The following WDR7 variants were observed in gnomAD, a reference collection of about 807,000 sequenced individuals.
The protein encoded by WDR7 is WD repeat-containing protein 7.
Under a neutral mutation model 169.4 loss-of-function variants are expected in WDR7, and 46 were observed. The ratio of observed to expected loss-of-function variants is 0.27; its 90% CI spans 0.21 to 0.35. The LOEUF is 0.35. WDR7 is among the 10% of genes least tolerant of loss of function. The pLI is 1.00. For missense variants in WDR7, 1,534 were observed against 1,859.3 expected (o/e 0.83, Z 3.22); for synonymous variants, 612 against 666.8 (o/e 0.92, Z 1.27).
chr18:56,760,305 T>G (rs1416368673), intron 16 of WDR7, among the ~76,000 whole-genome samples: 3 of 152,212 alleles, frequency 2.0e-5, no homozygotes, highest in African/African-American at 7.2e-5. Context: ...TACCTTCCTC[T>G]TCTAGAGGTA....
At chr18:56,837,770 C>A (rs1320381618) in intron 20 of WDR7, among the ~76,000 whole-genome samples, 4 of 152,098 alleles carry the variant, frequency 2.6e-5, no homozygotes, top group African/African-American at 9.7e-5. Flanking sequence ...AAGCTATTCT[C>A]CTGCCTCAGC....
At chr18:56,804,112 G>T (rs565870207) in intron 19 of WDR7, among the ~76,000 whole-genome samples, 1 of 152,162 alleles carries the variant, frequency 6.6e-6, no homozygotes, top group African/African-American at 2.4e-5. Flanking sequence ...TGAATTTAAT[G>T]TATGACATAT....
In WDR7 at chr18:56,924,128, A is replaced by T; in HGVS notation, c.3713+20A>T. ...TGCCAAGTATGTGTGGATTCCGGTTAATTTAATTTGTCACTGTTTTTTGTT... is the reference window on the plus strand; with the variant it reads ...TGCCAAGTATGTGTGGATTCCGGTTTATTTAATTTGTCACTGTTTTTTGTT... On this transcript the variant is annotated intron_variant, in intron 22 of 27. Transcript: ENST00000254442. 1 of 1,605,708 alleles carries T rather than the reference A, an allele frequency of 6.2e-7. No homozygotes were observed.
chr18:56,856,487 T>C (rs1342161905), intron 20 of WDR7, among the ~76,000 whole-genome samples: 1 of 152,098 alleles, frequency 6.6e-6, no homozygotes, highest in Non-Finnish European at 1.5e-5. Context: ...TGAGCTGAGA[T>C]TGCGCCACTG....
chr18:56,935,971 A>T, intron 23 of WDR7, 66 bp downstream of exon 23: 1 of 1,400,302 alleles, frequency 7.1e-7, no homozygotes, highest in South Asian at 1.3e-5. Context: ...CTATAAGCTG[A>T]GGGTTCATAT....
At chr18:56,653,015 A>C (rs1286730040) in intron 1 of WDR7, among the ~76,000 whole-genome samples, 1 of 152,158 alleles carries the variant, frequency 6.6e-6, no homozygotes, top group East Asian at 1.9e-4. Flanking sequence ...AGCATCGAAA[A>C]TCTTCAAAGT....
intron 20 of WDR7, among the ~76,000 whole-genome samples, chr18:56,819,444 G>T (rs528100607): frequency 7.9e-5 from 12 of 152,248 alleles, no homozygotes; most frequent in Non-Finnish European, 1.5e-4. Flanking sequence ...AGTAATGCCA[G>T]TGTGCCTTGG....
At chr18:57,010,260 T>C in intron 26 of WDR7, 1 of 985,454 alleles carries the variant, frequency 1.0e-6, no homozygotes, top group Non-Finnish European at 1.2e-6. Flanking sequence ...TGTGTGACTT[T>C]TTAGGCATAT....
At chr18:56,769,232 T>C (rs1257446457) in intron 16 of WDR7, among the ~76,000 whole-genome samples, 1 of 151,846 alleles carries the variant, frequency 6.6e-6, no homozygotes, top group Non-Finnish European at 1.5e-5. Flanking sequence ...TTTTTTTTTT[T>C]CCTTTGAGAC....
At chr18:56,924,968 T>C (rs1179614735) in intron 22 of WDR7, among the ~76,000 whole-genome samples, 1 of 152,140 alleles carries the variant, frequency 6.6e-6, no homozygotes, top group African/African-American at 2.4e-5. Flanking sequence ...CTGGCAACCA[T>C]TAATCTTCTG....
chr18:56,948,296 A>C (rs986198775), intron 25 of WDR7, among the ~76,000 whole-genome samples: 1 of 152,134 alleles, frequency 6.6e-6, no homozygotes, highest in East Asian at 1.9e-4. Flanking sequence ...GCATTCCCAG[A>C]TAGGTCCTTA....
intron 21 of WDR7, among the ~76,000 whole-genome samples, chr18:56,882,797 A>G (rs755608337): frequency 6.6e-6 from 1 of 152,230 alleles, no homozygotes; most frequent in Non-Finnish European, 1.5e-5. Context: ...AAGACCACTG[A>G]TTAAGTCTAA....
intron 20 of WDR7, among the ~76,000 whole-genome samples, chr18:56,837,143 C>A (rs774889740): frequency 6.6e-6 from 1 of 152,162 alleles, no homozygotes; most frequent in Admixed American, 6.5e-5. Flanking sequence ...GAAAAACAAA[C>A]GTGACCATTG....
intron 21 of WDR7, among the ~76,000 whole-genome samples, chr18:56,895,484 A>T (rs76558753): frequency 4.4e-3 from 311 of 71,132 alleles, no homozygotes; most frequent in African/African-American, 9.3e-3. Context: ...GGATTTTTTT[A>T]AAAATTTTTT....
chr18:56,977,787 C>T (rs1270996952), intron 26 of WDR7, among the ~76,000 whole-genome samples: 2 of 152,086 alleles, frequency 1.3e-5, no homozygotes, highest in African/African-American at 4.8e-5. Flanking sequence ...AAGTAAAATG[C>T]TTCTATCTCA....
chr18:56,689,549 C>T (rs534796150), intron 7 of WDR7, among the ~76,000 whole-genome samples: 73 of 152,294 alleles, frequency 4.8e-4, no homozygotes, highest in African/African-American at 1.4e-3. Context: ...CATGAGCCAC[C>T]GTGCCTGGCC....
intron 1 of WDR7, among the ~76,000 whole-genome samples, chr18:56,663,858 A>T (rs529143030): frequency 6.6e-5 from 10 of 152,210 alleles, no homozygotes; most frequent in African/African-American, 2.4e-4. Flanking sequence ...TTAAAGTCAT[A>T]TCAAATTAAA....
chr18:56,676,794 C>G (rs1473049751), intron 2 of WDR7, among the ~76,000 whole-genome samples: 1 of 143,454 alleles, frequency 7.0e-6, no homozygotes, highest in South Asian at 2.4e-4. Flanking sequence ...TCACTGCAGT[C>G]TGTCTTCCTG....
intron 22 of WDR7, among the ~76,000 whole-genome samples, chr18:56,934,134 G>T (rs982561583): frequency 5.9e-5 from 9 of 152,334 alleles, no homozygotes; most frequent in Admixed American, 1.3e-4. Flanking sequence ...TGGATGAAAA[G>T]AAGCATCACA....
Sources: allele counts gnomAD v4.1 joint callset (sites outside exome capture counted in the v4.1 genomes callset), GRCh38; gene constraint gnomAD v4.1.1; transcripts MANE v1.5; gene names NCBI Gene and HGNC (gene_info 2026-07-23, HGNC 2026-07-21).